The following REEP1 variants were observed in gnomAD, a reference collection of about 807,000 sequenced individuals.
REEP1 encodes receptor expression-enhancing protein 1.
Under a neutral mutation model 40.3 loss-of-function variants are expected in REEP1, and 22 were observed. The ratio of observed to expected loss-of-function variants is 0.55; its 90% CI spans 0.39 to 0.78. The LOEUF (loss-of-function observed/expected upper bound fraction) is 0.78, where lower values mean the gene tolerates loss of function less well. Among genes scored for constraint, REEP1 ranks in the 30% least tolerant of loss-of-function variants. REEP1 has a pLI of 0.00. For missense variants in REEP1, 280 were observed against 361.1 expected (o/e 0.78, Z 1.82); for synonymous variants, 116 against 139.2 (o/e 0.83, Z 1.17).
chr2:86,301,604 T>C lies in REEP1; in HGVS notation c.33-19362A>G, dbSNP rs149296678. 3.0e-3 allele frequency among the ~76,000 whole-genome samples: 460 copies of C among 152,356 alleles called. 7 individuals carry two copies. The highest frequency in any genetic ancestry group is 0.025 in the Admixed American group (377 of 15,310). ...GTCATGTTTATATTAAACTCTTTCA[T>C]TCATTTTCAAAATTTACTAAATGAC... On this transcript the variant is annotated intron_variant, in intron 1 of 8. Transcript: ENST00000538924.
At chr2:86,324,625 G>A (rs1164004126) in intron 1 of REEP1, among the ~76,000 whole-genome samples, 1 of 152,130 alleles carries the variant, frequency 6.6e-6, no homozygotes, top group Non-Finnish European at 1.5e-5. Flanking sequence ...ATCACGCCAC[G>A]TAATTACAAC....
chr2:86,325,843 G>A (rs1680476089), intron 1 of REEP1, among the ~76,000 whole-genome samples: 1 of 152,186 alleles, frequency 6.6e-6, no homozygotes, highest in Non-Finnish European at 1.5e-5. Context: ...ACCTGTTACA[G>A]CAGCAATCAT....
chr2:86,241,635 C>T (rs924969291), intron 5 of REEP1, among the ~76,000 whole-genome samples: 15 of 152,106 alleles, frequency 9.9e-5, no homozygotes, highest in Non-Finnish European at 2.2e-4. Flanking sequence ...TGGAGTGATG[C>T]AAGGACACTG....
At chr2:86,268,211 C>T (rs1012470675) in intron 2 of REEP1, among the ~76,000 whole-genome samples, 9 of 152,010 alleles carry the variant, frequency 5.9e-5, no homozygotes, top group African/African-American at 2.2e-4. Context: ...ACCATTTTTC[C>T]TCATAGATGG....
chr2:86,281,362 T>A (rs1026055173), intron 2 of REEP1, among the ~76,000 whole-genome samples: 10 of 152,318 alleles, frequency 6.6e-5, no homozygotes, highest in African/African-American at 2.4e-4. Context: ...CCGGGCACTG[T>A]GGCACGCCTA....
chr2:86,242,423 G>A (rs1055166155), intron 5 of REEP1, among the ~76,000 whole-genome samples: 22 of 152,134 alleles, frequency 1.4e-4, no homozygotes, highest in African/African-American at 4.8e-5. Flanking sequence ...ACATATACAT[G>A]ATGACATTAG....
At chr2:86,309,161 C>T (rs146397651) in intron 1 of REEP1, among the ~76,000 whole-genome samples, 5 of 152,202 alleles carry the variant, frequency 3.3e-5, no homozygotes, top group Non-Finnish European at 7.3e-5. Flanking sequence ...CTCTCCAGCC[C>T]GCTCCTGTCA....
chr2:86,217,038 C>G lies in REEP1; in HGVS notation c.*1G>C, dbSNP rs1674147700. The G allele has an allele frequency of 1.2e-6, 2 of 1,613,294 alleles. No homozygotes were observed. Among genetic ancestry groups the G allele is most frequent in the Admixed American group, 3.3e-5 (2 of 59,998 alleles). On this transcript the variant is annotated 3_prime_UTR_variant, in exon 9 of 9. Transcript: ENST00000538924. ...GATCCGGTGCTGTTGGCTCATCTCA[C>G]TCACGTGGTTTCGGTGGCCGAGGAT...
At chr2:86,281,208 G>A (rs868713066) in intron 2 of REEP1, among the ~76,000 whole-genome samples, 4 of 152,106 alleles carry the variant, frequency 2.6e-5, no homozygotes, top group Non-Finnish European at 4.4e-5. Context: ...CTGCCTGAAG[G>A]TGCCCAACAC....
At chr2:86,285,564 T>C (rs1006866138) in intron 1 of REEP1, among the ~76,000 whole-genome samples, 9 of 152,176 alleles carry the variant, frequency 5.9e-5, no homozygotes. Flanking sequence ...AGGCTTAGCA[T>C]CATTACTTAC....
chr2:86,237,676 C>T (rs947704196), intron 5 of REEP1, among the ~76,000 whole-genome samples: 1 of 152,150 alleles, frequency 6.6e-6, no homozygotes, highest in East Asian at 2.0e-4. Flanking sequence ...GTGGCCACCA[C>T]CACGCCCGGC....
At chr2:86,269,212 G>A (rs1677306785) in intron 2 of REEP1, among the ~76,000 whole-genome samples, 1 of 152,142 alleles carries the variant, frequency 6.6e-6, no homozygotes, top group South Asian at 2.1e-4. Context: ...AGCTCAGCTT[G>A]TTAGAACACT....
chr2:86,238,824 T>C (rs1309062389), intron 5 of REEP1, among the ~76,000 whole-genome samples: 1 of 152,136 alleles, frequency 6.6e-6, no homozygotes, highest in Non-Finnish European at 1.5e-5. Flanking sequence ...GAATGTGTGT[T>C]AGTATTTGTC....
rs1374751391 is a variant in REEP1 at position 86,246,675 on chromosome 2, T to G, written c.417+5282A>C. On this transcript the variant is annotated intron_variant, in intron 5 of 8. Transcript: ENST00000538924. ...AGTGGTTCGTCTCACTATGGTTTCTTTTTCTTTCTCTCTTTCTTTTTTTTT... is the reference window on the plus strand; with the variant it reads ...AGTGGTTCGTCTCACTATGGTTTCTGTTTCTTTCTCTCTTTCTTTTTTTTT... Among the ~76,000 whole-genome samples the G allele has an allele frequency of 2.0e-5, 3 of 151,196 alleles. No individual in the cohort carries two copies. In the East Asian group the frequency reaches 5.9e-4, roughly 30 times the overall value.
intron 1 of REEP1, among the ~76,000 whole-genome samples, chr2:86,296,521 T>A (rs1346296085): frequency 6.6e-6 from 1 of 152,234 alleles, no homozygotes; most frequent in Non-Finnish European, 1.5e-5. Context: ...TTGGCTTTGC[T>A]GAGGAAATAC....
chr2:86,329,358 A>G (rs1041279974), intron 1 of REEP1, among the ~76,000 whole-genome samples: 2 of 152,172 alleles, frequency 1.3e-5, no homozygotes, highest in Non-Finnish European at 2.9e-5. Context: ...GGCCTTTGCC[A>G]GGGAACTGCC....
chr2:86,231,846 C>T (rs907073002), intron 6 of REEP1, among the ~76,000 whole-genome samples: 3 of 152,168 alleles, frequency 2.0e-5, no homozygotes, highest in Non-Finnish European at 4.4e-5. Context: ...GATCCGATGT[C>T]GGGGGGTCCC....
rs988214143 is a variant in REEP1, at chr2:86,220,013, A to G, written c.740T>C (p.Met247Thr). ...CCTTCGAGGTGCTTTATACTTGTACATGAAATCCAGCAGGTCTTCCTCCTC... is the reference window on the plus strand; with the variant it reads ...CCTTCGAGGTGCTTTATACTTGTACGTGAAATCCAGCAGGTCTTCCTCCTC... Reference protein sequence around the residue: ...DDEEEDLLDFMYKYKAPRRME... With the variant: ...DDEEEDLLDFTYKYKAPRRME... Residue 247 changes from methionine (M) to threonine (T), a missense_variant, in exon 8 of 9, where the codon ATG (methionine) becomes ACG (threonine). By Grantham distance (81) the Met-to-Thr change is moderately conservative. This residue lies in a region of REEP1 where 201 missense variants were observed against 238.5 expected (regional missense o/e 0.84). Transcript: ENST00000538924. 15 of 1,232,106 alleles carry G rather than the reference A, an allele frequency of 1.2e-5. No individual in the cohort carries two copies. The highest frequency in any genetic ancestry group is 3.1e-4 in the Middle Eastern group (1 of 3,232). 76.3% of individuals were successfully genotyped at this position (1,232,106 alleles called of 1,614,324 possible). A position where few individuals can be genotyped will look rare whatever the true frequency, so the allele number is the denominator to read the frequency against.
At chr2:86,254,902 G>A (rs545021231) in intron 3 of REEP1, 88 bp from the exon 4 acceptor site, 23 of 1,451,686 alleles carry the variant, frequency 1.6e-5, no homozygotes, top group African/African-American at 7.0e-5. Context: ...TGGCAAGGAC[G>A]CCTCTCCTGC....
Sources: gnomAD v4.1 joint callset for allele counts (sites outside exome capture counted in the v4.1 genomes callset) on GRCh38, gnomAD v4.1.1 for gene constraint, gnomAD v4.1.1 regional missense constraint, MANE v1.5 for transcripts, NCBI Gene and HGNC (gene_info 2026-07-23, HGNC 2026-07-21) for gene names.